The following TRAP1 variants were observed in gnomAD, a reference collection of about 807,000 sequenced individuals.
TRAP1 encodes the protein TNF receptor associated protein 1.
In TRAP1, 102 loss-of-function variants were observed where a neutral mutation model predicts 89.1. The observed-to-expected ratio is 1.15, with a 90% CI of 0.98 to 1.35. The LOEUF is 1.35. TRAP1 is among the 40% of genes most tolerant of loss of function. TRAP1 has a pLI of 0.00. For missense variants in TRAP1, 1,256 were observed against 945.3 expected (o/e 1.33, Z -4.31); for synonymous variants, 508 against 388.0 (o/e 1.31, Z -3.64).
Position 3,711,127 on chromosome 16 carries a change from G to A in TRAP1, c.88+6294C>T, listed in dbSNP as rs545171153. 6.0e-4 allele frequency among the ~76,000 whole-genome samples: 91 copies of A among 151,546 alleles called. 1 individual carries two copies. The South Asian group carries it at 0.018, about 31-fold the overall frequency. Reference sequence around the variant, plus strand: ...CCTAAACTCACAGGATCCTCCCGCCGCAGCCCCCAAAGTGCTGGGATTACA... The same window carrying A: ...CCTAAACTCACAGGATCCTCCCGCCACAGCCCCCAAAGTGCTGGGATTACA... On this transcript the variant is annotated intron_variant, in intron 1 of 17. Transcript: ENST00000246957.
intron 15 of TRAP1, 160 bp from the exon 16 acceptor site, chr16:3,662,292 T>A: frequency 1.2e-6 from 1 of 858,678 alleles, no homozygotes; most frequent in East Asian, 2.7e-5. Context: ...ACCCACTAAC[T>A]TGTGGGCCCT....
At chr16:3,668,619 T>C (rs564185169) in intron 11 of TRAP1, among the ~76,000 whole-genome samples, 1 of 152,184 alleles carries the variant, frequency 6.6e-6, no homozygotes, top group Non-Finnish European at 1.5e-5. Context: ...CTGACTCTTT[T>C]CTGATCGAGA....
At chr16:3,712,186 G>T (rs950220775) in intron 1 of TRAP1, among the ~76,000 whole-genome samples, 1 of 148,708 alleles carries the variant, frequency 6.7e-6, no homozygotes, top group African/African-American at 2.5e-5. Context: ...CTACTCAGGA[G>T]GCTGAGGCAG....
In TRAP1 at chr16:3,658,344, G is replaced by A. The variant is rs185119718; in HGVS notation, c.2014-114C>T. On this transcript the variant is annotated intron_variant, in intron 17 of 17. Transcript: ENST00000246957. ...GGCTGGAGTGCAGAGGCACGATCTC[G>A]GCTCACTGCAACCTCAGGTGATCCC... 2,320 of 824,028 alleles carry A rather than the reference G, an allele frequency of 2.8e-3. 13 individuals are homozygous for A. The highest frequency in any genetic ancestry group is 8.1e-3 in the South Asian group (483 of 59,580). 51.0% of individuals were successfully genotyped at this position (824,028 alleles called of 1,614,324 possible).
intron 14 of TRAP1, 132 bp from the exon 15 acceptor site, chr16:3,663,099 T>C (rs1404384071): frequency 6.7e-6 from 5 of 746,768 alleles, no homozygotes; most frequent in Non-Finnish European, 1.1e-5. Flanking sequence ...GCAAGATGCT[T>C]TTCATCTAAA....
chr16:3,696,296 C>T (rs968082647), intron 1 of TRAP1, among the ~76,000 whole-genome samples: 3 of 152,150 alleles, frequency 2.0e-5, no homozygotes, highest in African/African-American at 2.4e-5. Flanking sequence ...CGAGAAAGGA[C>T]GGGGTGTGTC....
chr16:3,667,528 G>T (rs562765828), intron 11 of TRAP1, among the ~76,000 whole-genome samples: 1 of 151,674 alleles, frequency 6.6e-6, no homozygotes, highest in East Asian at 2.0e-4. Flanking sequence ...GAAAGGCTGA[G>T]GCAGGAGAAT....
At chr16:3,697,865 T>C (rs2051310875) in intron 1 of TRAP1, among the ~76,000 whole-genome samples, 2 of 151,512 alleles carry the variant, frequency 1.3e-5, no homozygotes, top group African/African-American at 2.4e-5. Context: ...CTCGGCTCAC[T>C]GCAACCTCTG....
At chr16:3,665,683 G>C (rs530962472) in intron 12 of TRAP1, among the ~76,000 whole-genome samples, 1 of 152,332 alleles carries the variant, frequency 6.6e-6, no homozygotes, top group East Asian at 1.9e-4. Context: ...AGGGGAGACA[G>C]TGTGTGCACG....
At chr16:3,684,845 G>C (rs1055848163) in intron 4 of TRAP1, among the ~76,000 whole-genome samples, 18 of 152,116 alleles carry the variant, frequency 1.2e-4, no homozygotes, top group African/African-American at 4.3e-4. Flanking sequence ...ATCGGCTATT[G>C]AGAATAGAAA....
intron 1 of TRAP1, among the ~76,000 whole-genome samples, chr16:3,696,614 G>A (rs2051290964): frequency 6.6e-6 from 1 of 151,390 alleles, no homozygotes; most frequent in African/African-American, 2.4e-5. Flanking sequence ...GGATCACAAT[G>A]GCACAATCAC....
intron 3 of TRAP1, among the ~76,000 whole-genome samples, chr16:3,687,697 A>T (rs1369093744): frequency 6.6e-6 from 1 of 152,120 alleles, no homozygotes; most frequent in Non-Finnish European, 1.5e-5. Context: ...CAGCCTGGGC[A>T]ACACGGCAAA....
chr16:3,675,434 A>G lies in TRAP1; in HGVS notation c.815-37T>C, dbSNP rs753585684. 2.5e-6 allele frequency: 4 copies of G among 1,607,068 alleles called. No individual in the cohort carries two copies. In the Admixed American group the frequency reaches 5.0e-5, roughly 20 times the overall value. Reference sequence around the variant, plus strand: ...AAAAGAAAAACCACACTGCATCTACAATGCTTGTGGAAACGCAAGCTTTGC... The same window carrying G: ...AAAAGAAAAACCACACTGCATCTACGATGCTTGTGGAAACGCAAGCTTTGC... On this transcript the variant is annotated intron_variant, in intron 7 of 17. Coordinates refer to ENST00000246957, the MANE Select transcript of TRAP1 (RefSeq NM_016292.3).
At chr16:3,713,495 A>G (rs1246469031) in intron 1 of TRAP1, among the ~76,000 whole-genome samples, 1 of 152,218 alleles carries the variant, frequency 6.6e-6, no homozygotes, top group Non-Finnish European at 1.5e-5. Context: ...AGGAAGTTCC[A>G]GCAAAGGCTC....
intron 1 of TRAP1, among the ~76,000 whole-genome samples, chr16:3,699,395 G>C (rs2051334070): frequency 6.6e-6 from 1 of 152,182 alleles, no homozygotes; most frequent in Non-Finnish European, 1.5e-5. Flanking sequence ...CCAGCACTTT[G>C]GGAGGCCGAG....
intron 4 of TRAP1, among the ~76,000 whole-genome samples, chr16:3,682,266 T>C (rs1272934736): frequency 2.0e-5 from 3 of 150,940 alleles, no homozygotes; most frequent in Non-Finnish European, 2.9e-5. Context: ...GAAGAAAACA[T>C]AGGGCTGGAC....
At chr16:3,703,875 C>G (rs1406987972) in intron 1 of TRAP1, among the ~76,000 whole-genome samples, 1 of 151,412 alleles carries the variant, frequency 6.6e-6, no homozygotes, top group Admixed American at 6.6e-5. Context: ...ATTAGCCGGG[C>G]GTGGTGGCGG....
At chr16:3,661,617 G>A (rs2043079370) in intron 16 of TRAP1, 3 of 212,570 alleles carry the variant, frequency 1.4e-5, no homozygotes, top group African/African-American at 4.6e-5. Context: ...CCCTCTGCAT[G>A]GGCAACCCTC....
intron 1 of TRAP1, among the ~76,000 whole-genome samples, chr16:3,691,842 C>T (rs188272747): frequency 2.4e-4 from 36 of 152,266 alleles, no homozygotes; most frequent in African/African-American, 8.4e-4. Flanking sequence ...TACCTTCTAA[C>T]TAAGAAGGAG....
Sources: allele counts gnomAD v4.1 joint callset (sites outside exome capture counted in the v4.1 genomes callset), GRCh38; gene constraint gnomAD v4.1.1; transcripts MANE v1.5; gene names NCBI Gene and HGNC (gene_info 2026-07-23, HGNC 2026-07-21).